Variants in MCM8 observed in about 807,000 individuals in gnomAD.
MCM8 encodes the protein minichromosome maintenance 8 homologous recombination repair factor, also known as DNA helicase MCM8.
Under a neutral mutation model 98.9 loss-of-function variants are expected in MCM8, and 85 were observed. The ratio of observed to expected loss-of-function variants is 0.86; its 90% CI spans 0.72 to 1.03. The LOEUF is 1.03. MCM8 is among the 50% of genes least tolerant of loss of function. MCM8 has a pLI of 0.00. For synonymous variants in MCM8, 352 were observed against 338.6 expected (o/e 1.04, Z -0.44); for missense variants, 951 against 997.8 (o/e 0.95, Z 0.63).
intron 8 of MCM8, among the ~76,000 whole-genome samples, chr20:5,966,157 C>T (rs1206900139): frequency 6.6e-6 from 1 of 152,064 alleles, no homozygotes; most frequent in African/African-American, 2.4e-5. Context: ...ATCTGATTCT[C>T]ATTCCTTTGA....
chr20:5,993,466 A>G (rs2089892364), intron 17 of MCM8, 40 bp from the exon 18 acceptor site: 1 of 1,425,736 alleles, frequency 7.0e-7, no homozygotes, highest in Non-Finnish European at 9.3e-7. Flanking sequence ...TTTCTATGGC[A>G]GTGCTACATT....
intron 13 of MCM8, among the ~76,000 whole-genome samples, chr20:5,982,366 T>C (rs1312528946): frequency 6.6e-6 from 1 of 152,120 alleles, no homozygotes; most frequent in East Asian, 1.9e-4. Flanking sequence ...CTAACCTAAC[T>C]GGTATGGGGA....
At position 5,997,776 on chromosome 20, in the gene MCM8, A is replaced by AT. The variant is rs1324311015; in HGVS notation, c.*3390dup. 1.3e-5 allele frequency: 2 copies of AT among 151,932 alleles called. No homozygotes were observed. Among genetic ancestry groups the AT allele is most frequent in the Non-Finnish European group, 2.9e-5 (2 of 68,030 alleles). The allele number at this position is 151,932 out of a possible 1,614,324, so 9.4% of individuals were successfully genotyped here. A position where few individuals can be genotyped will look rare whatever the true frequency, so the allele number is the denominator to read the frequency against. On this transcript the variant is annotated 3_prime_UTR_variant, in exon 19 of 19. Coordinates refer to ENST00000610722, the MANE Select transcript of MCM8 (RefSeq NM_032485.6). ...GCAACACCATGCCCAGCTAATTTTG[A>AT]TTTTTAGTAGAGATGAGGTCTTCCT...
chr20:5,972,833 T>A, intron 11 of MCM8: 3 of 1,374,340 alleles, frequency 2.2e-6, no homozygotes, highest in South Asian at 1.4e-5. Flanking sequence ...TAGCTCTTAG[T>A]AATTTCTAAG....
chr20:5,977,780 A>T, intron 12 of MCM8, 96 bp from the exon 13 acceptor site: 2 of 1,302,798 alleles, frequency 1.5e-6, no homozygotes, highest in South Asian at 2.8e-5. Context: ...CTCTTAAAAG[A>T]ATACCTAGCA....
chr20:5,969,105 A>G (rs1257073923), intron 10 of MCM8, among the ~76,000 whole-genome samples: 1 of 152,216 alleles, frequency 6.6e-6, no homozygotes, highest in Non-Finnish European at 1.5e-5. Flanking sequence ...TTACCTCAGA[A>G]GGTTGTTCTA....
chr20:5,989,768 T>C (rs1484456453), intron 17 of MCM8, among the ~76,000 whole-genome samples: 2 of 152,144 alleles, frequency 1.3e-5, no homozygotes, highest in Non-Finnish European at 2.9e-5. Flanking sequence ...CCATGTCACC[T>C]CCTGAAGGTA....
intron 17 of MCM8, among the ~76,000 whole-genome samples, chr20:5,990,283 G>A (rs1328317947): frequency 1.3e-5 from 2 of 152,110 alleles, no homozygotes; most frequent in Admixed American, 1.3e-4. Flanking sequence ...TGCCAAGTTG[G>A]CCAGGCTAGT....
chr20:5,996,519 A>C lies in MCM8; in HGVS notation c.*2128A>C, dbSNP rs578026936. Reference sequence around the variant, plus strand: ...CAACAGAGTGAGACTCTTTCTCCAAACTAAATAAGAGATATTTAAAGCTGA... The same window carrying C: ...CAACAGAGTGAGACTCTTTCTCCAACCTAAATAAGAGATATTTAAAGCTGA... On this transcript the variant is annotated 3_prime_UTR_variant, in exon 19 of 19. Coordinates refer to ENST00000610722, the MANE Select transcript of MCM8 (RefSeq NM_032485.6). 20 of 151,656 alleles carry C rather than the reference A, an allele frequency of 1.3e-4. No homozygotes were observed. Among genetic ancestry groups the C allele is most frequent in the African/African-American group, 4.6e-4 (19 of 41,476 alleles). 9.4% of individuals were successfully genotyped at this position (151,656 alleles called of 1,614,324 possible).
Position 5,997,263 on chromosome 20 carries a change from C to CA in MCM8, c.*2874dup, listed in dbSNP as rs1194346426. ...ACAGTGGCGCGATCTTGGTTCACCG[C>CA]AACCTCCGCCTCCTGGGTTCAAGCG... On this transcript the variant is annotated 3_prime_UTR_variant, in exon 19 of 19. Transcript: ENST00000610722. 9 of 150,746 alleles carry CA rather than the reference C, an allele frequency of 6.0e-5. No homozygotes were observed. The highest frequency in any genetic ancestry group is 1.0e-4 in the Non-Finnish European group (7 of 68,112). The allele number at this position is 150,746 out of a possible 1,614,324, so 9.3% of individuals were successfully genotyped here.
rs577077407 is a variant in MCM8, at chr20:5,993,985, A to G, written c.2430+290A>G. 24 of 356,432 alleles carry G rather than the reference A, an allele frequency of 6.7e-5. 2 individuals are homozygous for G. The highest frequency in any genetic ancestry group is 2.1e-4 in the South Asian group (3 of 14,606). 22.1% of individuals were successfully genotyped at this position (356,432 alleles called of 1,614,324 possible). The stretch of plus-strand genomic sequence containing the variant: ...CAAAGTTCTCGTGAAAATCAATGTA[A>G]TAGCACTTCAAACATGGGCTGTTAC... On this transcript the variant is annotated intron_variant, in intron 18 of 18. Coordinates refer to ENST00000610722, the MANE Select transcript of MCM8 (RefSeq NM_032485.6).
chr20:5,978,526 A>G (rs2089562597), intron 13 of MCM8, among the ~76,000 whole-genome samples: 3 of 152,214 alleles, frequency 2.0e-5, no homozygotes, highest in South Asian at 4.1e-4. Flanking sequence ...CTTTGCTCAC[A>G]GAGGACTTGC....
intron 1 of MCM8, 35 bp from the exon 2 acceptor site, chr20:5,951,975 GT>G: frequency 6.3e-7 from 1 of 1,576,210 alleles, no homozygotes; most frequent in East Asian, 2.2e-5. Context: ...TTTCCTTACA[GT>G]TTTGGTGAAG....
intron 17 of MCM8, among the ~76,000 whole-genome samples, chr20:5,989,120 CTTTT>C (rs1172678780): frequency 2.5e-5 from 3 of 120,306 alleles, no homozygotes; most frequent in East Asian, 2.4e-4. Context: ...TAGCGCAAGT[CTTTT>C]TTTTTTTTTT....
At chr20:5,985,889 C>T (rs777906503) in intron 15 of MCM8, 33 bp from the exon 16 acceptor site, 3 of 1,601,956 alleles carry the variant, frequency 1.9e-6, no homozygotes, top group East Asian at 4.5e-5. Flanking sequence ...GCTACTTATC[C>T]TTGTTATCTT....
chr20:5,955,328 T>A, intron 5 of MCM8, 77 bp downstream of exon 5: 1 of 1,361,560 alleles, frequency 7.3e-7, no homozygotes, highest in Non-Finnish European at 1.0e-6. Context: ...TGTCTAAGTT[T>A]AAAGGAAGAT....
At chr20:5,955,272 T>C (rs756411535) in intron 5 of MCM8, 21 bp downstream of exon 5, 1 of 1,601,472 alleles carries the variant, frequency 6.2e-7, no homozygotes, top group South Asian at 1.1e-5. Flanking sequence ...GTCTTATGCA[T>C]ACTTTTGTCT....
Position 5,995,575 on chromosome 20 carries a change from A to G in MCM8, c.*1184A>G, listed in dbSNP as rs2089945497. ...ATGAGATGCCTCCCTAAATTGCTGA[A>G]TTCAAAAAAGAAGTTGCATACAAAG... On this transcript the variant is annotated 3_prime_UTR_variant, in exon 19 of 19. Coordinates refer to ENST00000610722, the MANE Select transcript of MCM8 (RefSeq NM_032485.6). 1 of 152,210 alleles carries G rather than the reference A, an allele frequency of 6.6e-6. No homozygotes were observed. The highest frequency in any genetic ancestry group is 2.1e-4 in the South Asian group (1 of 4,832). The allele number at this position is 152,210 out of a possible 1,614,324, so 9.4% of individuals were successfully genotyped here. A position where few individuals can be genotyped will look rare whatever the true frequency, so the allele number is the denominator to read the frequency against.
intron 17 of MCM8, among the ~76,000 whole-genome samples, chr20:5,990,696 A>T (rs940624059): frequency 6.6e-6 from 1 of 152,216 alleles, no homozygotes; most frequent in Non-Finnish European, 1.5e-5. Context: ...CCTAGCAGAG[A>T]TATTTTTTCC....
Sources: gnomAD v4.1 joint callset for allele counts (sites outside exome capture counted in the v4.1 genomes callset) on GRCh38, gnomAD v4.1.1 for gene constraint, MANE v1.5 for transcripts, NCBI Gene and HGNC (gene_info 2026-07-23, HGNC 2026-07-21) for gene names.